SENP2: variants seen among roughly 807,000 people sequenced by gnomAD.
SENP2 encodes SUMO specific peptidase 2, also known as sentrin-specific protease 2.
In SENP2, 16 loss-of-function variants were observed where a neutral mutation model predicts 86.3. That is an observed-to-expected ratio of 0.19 (90% confidence interval 0.13 to 0.28). The LOEUF is 0.28. SENP2 is among the 10% of genes least tolerant of loss of function. The pLI is 1.00. For synonymous variants in SENP2, 222 were observed against 238.7 expected (o/e 0.93, Z 0.64); for missense variants, 552 against 703.0 (o/e 0.79, Z 2.43).
intron 2 of SENP2, among the ~76,000 whole-genome samples, chr3:185,593,724 A>ATT (rs1722081761): frequency 7.6e-6 from 1 of 131,636 alleles, no homozygotes; most frequent in African/African-American, 3.0e-5. Context: ...TTGTGTTTTC[A>ATT]TTTCTTTTTT....
At chr3:185,594,841 A>G (rs1031794765) in intron 2 of SENP2, among the ~76,000 whole-genome samples, 1 of 151,864 alleles carries the variant, frequency 6.6e-6, no homozygotes, top group Non-Finnish European at 1.5e-5. Context: ...CTGGTCTCGA[A>G]CTCCTGACCT....
At chr3:185,611,983 C>G (rs570660975) in intron 8 of SENP2, among the ~76,000 whole-genome samples, 1 of 152,122 alleles carries the variant, frequency 6.6e-6, no homozygotes, top group South Asian at 2.1e-4. Flanking sequence ...ATGGTAAAAC[C>G]CCATCTCTAC....
chr3:185,614,355 C>T, intron 10 of SENP2: 1 of 509,068 alleles, frequency 2.0e-6, no homozygotes, highest in Non-Finnish European at 3.4e-6. Flanking sequence ...TTTGATGGTT[C>T]ATAACTGAGG....
At chr3:185,622,817 CTT>C (rs35711486) in intron 14 of SENP2, among the ~76,000 whole-genome samples, 1,053 of 89,110 alleles carry the variant, frequency 0.012, 9 homozygotes, top group African/African-American at 0.049. Flanking sequence ...TACATTCATG[CTT>C]TTTTTTTTTT....
chr3:185,621,476 G>T (rs1711887943), intron 13 of SENP2, among the ~76,000 whole-genome samples: 1 of 133,990 alleles, frequency 7.5e-6, no homozygotes, highest in Non-Finnish European at 1.5e-5. Context: ...TGCAACCTCT[G>T]CCTCCCGGGT....
At chr3:185,623,400 A>G (rs1014735084) in intron 14 of SENP2, among the ~76,000 whole-genome samples, 1 of 152,138 alleles carries the variant, frequency 6.6e-6, no homozygotes, top group Non-Finnish European at 1.5e-5. Flanking sequence ...TTGGCCTCCC[A>G]AAGTGTTGAT....
chr3:185,621,386 CTTTTTTTTTT>C (rs1220771289), intron 13 of SENP2, among the ~76,000 whole-genome samples: 3 of 78,776 alleles, frequency 3.8e-5, no homozygotes, highest in African/African-American at 1.0e-4. Flanking sequence ...TCTTTTTTTT[CTTTTTTTTTT>C]TTTTTTTTTT....
chr3:185,608,560 G>T (rs188796611), intron 6 of SENP2, among the ~76,000 whole-genome samples: 1 of 152,288 alleles, frequency 6.6e-6, no homozygotes, highest in Admixed American at 6.5e-5. Flanking sequence ...GTGGATATAT[G>T]TGATGGAAAT....
chr3:185,623,552 A>G (rs1479132368), intron 14 of SENP2, among the ~76,000 whole-genome samples: 10 of 152,086 alleles, frequency 6.6e-5, no homozygotes, highest in Admixed American at 6.6e-4. Flanking sequence ...GACCTCCCCA[A>G]ATTAAATAAA....
intron 2 of SENP2, among the ~76,000 whole-genome samples, chr3:185,592,619 C>CTT (rs34907174): frequency 4.2e-5 from 6 of 142,304 alleles, no homozygotes; most frequent in Non-Finnish European, 4.6e-5. Flanking sequence ...ACAGGGTCTC[C>CTT]TTTTTTTTTT....
chr3:185,602,048 C>CAAAAAAGGATGCAAA (rs1722363517), intron 5 of SENP2, among the ~76,000 whole-genome samples: 1 of 152,106 alleles, frequency 6.6e-6, no homozygotes, highest in Non-Finnish European at 1.5e-5. Context: ...TTTCTCTAAG[C>CAAAAAAGGATGCAAA]ATCTTGTTCT....
At chr3:185,613,483 GA>G in intron 10 of SENP2, 75 bp downstream of exon 10, 2 of 883,394 alleles carry the variant, frequency 2.3e-6, no homozygotes, top group Non-Finnish European at 1.8e-6. Flanking sequence ...TGAAAAGCAA[GA>G]AAAAGTATAT....
intron 2 of SENP2, among the ~76,000 whole-genome samples, chr3:185,590,818 G>GCT (rs1024142166): frequency 5.0e-5 from 4 of 79,620 alleles, no homozygotes; most frequent in Admixed American, 3.5e-4. Flanking sequence ...CCAAGAATCT[G>GCT]CTACTGCACT....
chr3:185,604,378 C>CA (rs1560193592), intron 5 of SENP2, among the ~76,000 whole-genome samples: 1 of 152,156 alleles, frequency 6.6e-6, no homozygotes, highest in African/African-American at 2.4e-5. Context: ...GTTCCATGTA[C>CA]ACTTGAAAAG....
At chr3:185,594,865 C>G (rs1354640770) in intron 2 of SENP2, among the ~76,000 whole-genome samples, 1 of 152,100 alleles carries the variant, frequency 6.6e-6, no homozygotes, top group East Asian at 1.9e-4. Flanking sequence ...GTGATCCACC[C>G]TCCTTGGCCT....
At chr3:185,618,748 G>A (rs1240795562) in intron 12 of SENP2, among the ~76,000 whole-genome samples, 5 of 151,852 alleles carry the variant, frequency 3.3e-5, no homozygotes, top group East Asian at 1.9e-4. Flanking sequence ...GCATGGTGGC[G>A]GGTACCTGTA....
chr3:185,590,026 G>A (rs1324656777), intron 1 of SENP2, 88 bp from the exon 2 acceptor site: 1 of 662,524 alleles, frequency 1.5e-6, no homozygotes, highest in South Asian at 2.2e-5. Context: ...ATAGAAGGGG[G>A]ATGTGTTATA....
chr3:185,614,716 G>A lies in SENP2; in HGVS notation c.1086G>A (p.Thr362=), dbSNP rs146741908. The change falls in exon 11 of 17, where the codon ACG becomes ACA. Residue 362 remains threonine, a synonymous_variant. Coordinates refer to ENST00000296257, the MANE Select transcript of SENP2 (RefSeq NM_021627.3). ...NCSGKERDRR[T]DDLLELTEDM... is the part of the protein sequence containing the mutation. ...CAGGCAAAGAGAGGGACAGAAGAAC[G>A]GACGATCTCCTTGAACTTACAGAGG... 1.2e-4 allele frequency: 188 copies of A among 1,614,060 alleles called. No homozygotes were observed. The South Asian group carries it at 1.7e-3, about 15-fold the overall frequency.
intron 2 of SENP2, among the ~76,000 whole-genome samples, chr3:185,598,056 A>G (rs1472818140): frequency 2.6e-5 from 4 of 152,156 alleles, no homozygotes; most frequent in Non-Finnish European, 4.4e-5. Context: ...TCTGTTGCCC[A>G]GGCTGGAGTG....
Sources: gnomAD v4.1 joint callset for allele counts (sites outside exome capture counted in the v4.1 genomes callset) on GRCh38, gnomAD v4.1.1 for gene constraint, MANE v1.5 for transcripts, NCBI Gene and HGNC (gene_info 2026-07-23, HGNC 2026-07-21) for gene names.